KDM4A: variants seen among roughly 807,000 people sequenced by gnomAD.
KDM4A encodes lysine-specific demethylase 4A.
A neutral mutation model predicts 127.1 loss-of-function variants in KDM4A; 23 were observed. That is an observed-to-expected ratio of 0.18 (90% CI 0.13 to 0.26). The LOEUF (loss-of-function observed/expected upper bound fraction) is 0.26. Among genes scored for constraint, KDM4A ranks in the 10% least tolerant of loss-of-function variants. The pLI is 1.00. For synonymous variants in KDM4A, 443 were observed against 466.5 expected (o/e 0.95, Z 0.65); for missense variants, 890 against 1,329.1 (o/e 0.67, Z 5.14).
intron 11 of KDM4A, among the ~76,000 whole-genome samples, chr1:43,675,211 A>G (rs1660714248): frequency 6.6e-6 from 1 of 152,146 alleles, no homozygotes; most frequent in Admixed American, 6.5e-5. Flanking sequence ...GAACTACTTA[A>G]AAGTCTCTAA....
chr1:43,653,088 CTTAATT>C (rs1443120571), intron 1 of KDM4A, 43 bp from the exon 2 acceptor site: 2 of 988,540 alleles, frequency 2.0e-6, no homozygotes, highest in East Asian at 2.9e-5. Flanking sequence ...GTTTCCAGCA[CTTAATT>C]TTAATTTTTA....
chr1:43,682,187 G>A (rs1050666055), intron 11 of KDM4A, among the ~76,000 whole-genome samples: 8 of 152,148 alleles, frequency 5.3e-5, no homozygotes, highest in Admixed American at 1.3e-4. Flanking sequence ...CAAGGGATCC[G>A]CCTACCTCAG....
At chr1:43,651,900 G>C (rs1660121645) in intron 1 of KDM4A, among the ~76,000 whole-genome samples, 1 of 152,152 alleles carries the variant, frequency 6.6e-6, no homozygotes. Context: ...TTTGAGTTCT[G>C]GGTACAGTGC....
In KDM4A at chr1:43,652,141, C is replaced by T. The variant is rs377374704; in HGVS notation, c.-39-996C>T. On this transcript the variant is annotated intron_variant, in intron 1 of 21. Coordinates refer to ENST00000372396, the MANE Select transcript of KDM4A (RefSeq NM_014663.3). ...CTGTGCCCTAGGGAGGAGCCTTGGC[C>T]TCCCAAAGTGCTGGGATTACAAGGC... Among the ~76,000 whole-genome samples the T allele has an allele frequency of 2.8e-4, 42 of 152,342 alleles. No individual in the cohort carries two copies. In the South Asian group the frequency reaches 8.5e-3, roughly 31 times the overall value.
intron 11 of KDM4A, among the ~76,000 whole-genome samples, chr1:43,681,534 C>T (rs1027814244): frequency 2.0e-5 from 3 of 152,146 alleles, no homozygotes; most frequent in Non-Finnish European, 4.4e-5. Context: ...GCTTGTTTAA[C>T]CTGGTTTGTT....
At position 43,667,920 on chromosome 1, in the gene KDM4A, A is replaced by C; in HGVS notation, c.1064A>C (p.Lys355Thr). Residue 355 changes from lysine to threonine, a missense_variant, in exon 9 of 22, where the codon AAG (lysine) becomes ACG (threonine). Transcript: ENST00000372396. ...ACGCCAGAAGCAGCTGAGTTTCTTA[A>C]GGAGAGTGAACTGCCTCCAAGAGCT... ...LPTPEAAEFLKESELPPRAGN... is the reference protein window; with the variant it reads ...LPTPEAAEFLTESELPPRAGN... The C allele has an allele frequency of 1.2e-6, 2 of 1,614,184 alleles. No individual in the cohort carries two copies. The highest frequency in any genetic ancestry group is 3.3e-4 in the Middle Eastern group (2 of 6,062).
rs35419389 is a variant in KDM4A, at chr1:43,694,515, CAA to C, written c.2485-176_2485-175del. ...TGGGTGACAGAGCAAGACTCCGTCT[CAA>C]AAAAAAAAAAAAAAAAATTTCCTTG... On this transcript the variant is annotated intron_variant, in intron 17 of 21. Transcript: ENST00000372396. This position sits in a 1 kb window ranked among gnomAD's most constrained non-coding sequence, Gnocchi z 5.2. Among the ~76,000 whole-genome samples, 145 of 107,262 alleles carry C rather than the reference CAA, an allele frequency of 1.4e-3. No homozygotes were observed. Among genetic ancestry groups the C allele is most frequent in the African/African-American group, 1.8e-3 (53 of 28,722 alleles). 70.4% of individuals were successfully genotyped at this position (107,262 alleles called of 152,430 possible). A position where few individuals can be genotyped will look rare whatever the true frequency, so the allele number is the denominator to read the frequency against.
At chr1:43,689,709 C>G (rs1198313070) in intron 13 of KDM4A, among the ~76,000 whole-genome samples, 2 of 152,132 alleles carry the variant, frequency 1.3e-5, no homozygotes, top group African/African-American at 4.8e-5. Flanking sequence ...GCAGCAGGTG[C>G]CAAGGGACCA....
At chr1:43,674,624 C>G (rs1660700721) in intron 11 of KDM4A, among the ~76,000 whole-genome samples, 2 of 151,542 alleles carry the variant, frequency 1.3e-5, no homozygotes, top group Admixed American at 1.3e-4. Context: ...TCAAGTGATT[C>G]TCGTGCCCCA....
chr1:43,662,765 A>T (rs1660414008), intron 4 of KDM4A, 129 bp from the exon 5 acceptor site: 3 of 737,302 alleles, frequency 4.1e-6, no homozygotes, highest in Admixed American at 5.9e-5. Flanking sequence ...TCACGTCCAT[A>T]GTGTTTTGAC....
intron 4 of KDM4A, among the ~76,000 whole-genome samples, chr1:43,660,660 T>A (rs150636979): frequency 4.8e-4 from 73 of 152,314 alleles, no homozygotes; most frequent in African/African-American, 1.7e-3. Flanking sequence ...GTTAGCATAG[T>A]CGGTGGGTGG....
intron 8 of KDM4A, 102 bp downstream of exon 8, chr1:43,667,193 A>G: frequency 7.7e-7 from 1 of 1,304,154 alleles, no homozygotes; most frequent in Non-Finnish European, 1.1e-6. Context: ...AGCTGCTGGA[A>G]TTCAGAAACA....
rs1199869229 is a variant in KDM4A at position 43,701,121 on chromosome 1, A to G, written c.2842-2496A>G. Among the ~76,000 whole-genome samples, 4 of 151,856 alleles carry G rather than the reference A, an allele frequency of 2.6e-5. No individual in the cohort carries two copies. The East Asian group carries it at 5.9e-4, about 22-fold the overall frequency. The stretch of plus-strand genomic sequence containing the variant: ...TATTTTTAGTAGAGAGGGTTTCCCC[A>G]TGTTGTCCAGGATGGACTCAATCTC... On this transcript the variant is annotated intron_variant, in intron 19 of 21. Transcript: ENST00000372396.
intron 14 of KDM4A, 53 bp downstream of exon 14, chr1:43,691,102 C>T (rs911826716): frequency 1.5e-4 from 238 of 1,575,712 alleles, no homozygotes; most frequent in Non-Finnish European, 1.8e-4. Context: ...TGGGCCTGCT[C>T]ACTGGAAGTT....
At chr1:43,657,594 C>T (rs755890627) in intron 3 of KDM4A, among the ~76,000 whole-genome samples, 22 of 152,098 alleles carry the variant, frequency 1.4e-4, no homozygotes, top group Admixed American at 9.2e-4. Flanking sequence ...TGGGGCTCTG[C>T]AGGTGAAAGG....
rs56912764 is a variant in KDM4A, at chr1:43,670,662, C to G, written c.1364-843C>G. Among the ~76,000 whole-genome samples the G allele has an allele frequency of 5.4e-5, 8 of 148,278 alleles. No individual in the cohort carries two copies. The East Asian group carries it at 1.2e-3, about 23-fold the overall frequency. On this transcript the variant is annotated intron_variant, in intron 10 of 21. Coordinates refer to ENST00000372396, the MANE Select transcript of KDM4A (RefSeq NM_014663.3). Reference sequence around the variant, plus strand: ...CACTGCAACCTCCGCCTCCCGGGTTCAAGTGATTCTCCTACCTCAGCCTCC... The same window carrying G: ...CACTGCAACCTCCGCCTCCCGGGTTGAAGTGATTCTCCTACCTCAGCCTCC...
In KDM4A at chr1:43,698,007, C is replaced by T; in HGVS notation, c.2835C>T (p.Asp945=). Residue 945 remains aspartate, a synonymous_variant, in exon 19 of 22, where the codon GAC becomes GAT. Transcript: ENST00000372396. ...TCAGCGACAATCTTTATCCTGAGGA[C>T]ATAGTGGTAATATCTGCAAGGAGCT... ...GSFSDNLYPE[D]IVSQDCLQFG... 4 of 1,612,822 alleles carry T rather than the reference C, an allele frequency of 2.5e-6. No homozygotes were observed. Among genetic ancestry groups the T allele is most frequent in the Non-Finnish European group, 3.4e-6 (4 of 1,179,636 alleles).
At chr1:43,652,329 T>TA (rs1660132024) in intron 1 of KDM4A, among the ~76,000 whole-genome samples, 1 of 151,960 alleles carries the variant, frequency 6.6e-6, no homozygotes, top group African/African-American at 2.4e-5. Context: ...ACTAAATAAT[T>TA]AGTTTCCTTT....
At chr1:43,656,112 C>T (rs555208754) in intron 3 of KDM4A, among the ~76,000 whole-genome samples, 1 of 152,240 alleles carries the variant, frequency 6.6e-6, no homozygotes, top group East Asian at 1.9e-4. Context: ...GCTTTAGTTC[C>T]ACTTCCTCTC....
Sources: gnomAD v4.1 joint callset for allele counts (sites outside exome capture counted in the v4.1 genomes callset) on GRCh38, gnomAD v4.1.1 for gene constraint, Gnocchi (gnomAD v3.1) non-coding constraint, MANE v1.5 for transcripts, NCBI Gene and HGNC (gene_info 2026-07-23, HGNC 2026-07-21) for gene names.